Variants in SYT1 observed in about 807,000 individuals in gnomAD.
SYT1 encodes the protein synaptotagmin 1, also known as synaptotagmin-1.
A neutral mutation model predicts 44.8 loss-of-function variants in SYT1; 8 were observed. That is an observed-to-expected ratio of 0.18 (90% CI 0.10 to 0.32). SYT1 has a LOEUF of 0.32. Ranked by LOEUF, SYT1 falls within the 10% of genes least tolerant of loss-of-function variation. SYT1 has a pLI of 1.00. For synonymous variants in SYT1, 154 were observed against 188.8 expected (o/e 0.82, Z 1.51); for missense variants, 286 against 509.3 (o/e 0.56, Z 4.22).
chr12:79,316,689 T>C (rs925872593), intron 8 of SYT1, among the ~76,000 whole-genome samples: 10 of 152,208 alleles, frequency 6.6e-5, no homozygotes, highest in Non-Finnish European at 1.0e-4. Context: ...TTGTCTATCG[T>C]CCACCGTACA....
At chr12:78,904,875 G>A (rs564715340) in intron 1 of SYT1, among the ~76,000 whole-genome samples, 1 of 152,076 alleles carries the variant, frequency 6.6e-6, no homozygotes, top group African/African-American at 2.4e-5. Flanking sequence ...TATTTTTTTG[G>A]TAAAAGATTT....
intron 2 of SYT1, among the ~76,000 whole-genome samples, chr12:78,996,439 A>G (rs1268302991): frequency 2.0e-5 from 3 of 152,176 alleles, no homozygotes; most frequent in African/African-American, 7.2e-5. Flanking sequence ...GAAAAGAATG[A>G]GATGGGAACT....
chr12:79,205,285 C>T (rs1325520427), intron 3 of SYT1, among the ~76,000 whole-genome samples: 1 of 152,078 alleles, frequency 6.6e-6, no homozygotes, highest in Non-Finnish European at 1.5e-5. Flanking sequence ...TTTTTTAAAA[C>T]ACTGTAAAAT....
At chr12:78,996,391 C>G (rs928865908) in intron 2 of SYT1, among the ~76,000 whole-genome samples, 3 of 152,128 alleles carry the variant, frequency 2.0e-5, no homozygotes, top group Non-Finnish European at 4.4e-5. Context: ...TGCAAAGACA[C>G]TTTTGCCCAT....
At chr12:79,286,640 G>T (rs1371138300) in intron 5 of SYT1, among the ~76,000 whole-genome samples, 5 of 152,008 alleles carry the variant, frequency 3.3e-5, no homozygotes, top group African/African-American at 9.7e-5. Flanking sequence ...ATCTGGCTGG[G>T]TTATCTTTCC....
chr12:79,083,310 A>C (rs895182262), intron 3 of SYT1, among the ~76,000 whole-genome samples: 2 of 152,188 alleles, frequency 1.3e-5, no homozygotes, highest in Non-Finnish European at 2.9e-5. Context: ...AGTATAAATT[A>C]GTACCACTGC....
chr12:79,120,532 CTT>C (rs1477593979), intron 3 of SYT1, among the ~76,000 whole-genome samples: 2 of 152,164 alleles, frequency 1.3e-5, no homozygotes, highest in Admixed American at 6.5e-5. Context: ...GTTTCACACT[CTT>C]AGTATATAAG....
At chr12:79,291,765 G>A (rs891304947) in intron 5 of SYT1, 1 of 595,180 alleles carries the variant, frequency 1.7e-6, no homozygotes, top group African/African-American at 1.8e-5. Flanking sequence ...TTTTTTGCTT[G>A]CAATATTCTG....
At chr12:79,348,953 AAAAAG>A (rs1263527858) in intron 8 of SYT1, among the ~76,000 whole-genome samples, 1 of 146,940 alleles carries the variant, frequency 6.8e-6, no homozygotes. Flanking sequence ...AAAGAAAGAA[AAAAAG>A]AAAAGAAAGA....
chr12:79,091,323 T>C (rs1877760733), intron 3 of SYT1, among the ~76,000 whole-genome samples: 1 of 152,006 alleles, frequency 6.6e-6, no homozygotes, highest in South Asian at 2.1e-4. Context: ...GGAAGTGGTG[T>C]TGCAGGGTTC....
chr12:78,922,273 G>T (rs1043348720), intron 1 of SYT1, among the ~76,000 whole-genome samples: 1 of 151,746 alleles, frequency 6.6e-6, no homozygotes, highest in East Asian at 1.9e-4. Context: ...CATACTATGT[G>T]CTCAATAAAT....
intron 9 of SYT1, among the ~76,000 whole-genome samples, chr12:79,396,208 A>G (rs1369320312): frequency 6.6e-6 from 1 of 152,112 alleles, no homozygotes; most frequent in African/African-American, 2.4e-5. Context: ...ATGATGGCCA[A>G]TTTTCATCTG....
chr12:79,337,685 C>A (rs1882156656), intron 8 of SYT1, among the ~76,000 whole-genome samples: 1 of 152,162 alleles, frequency 6.6e-6, no homozygotes, highest in African/African-American at 2.4e-5. Context: ...ACAATGCCTT[C>A]CAAGGTTTAT....
chr12:78,906,885 A>C (rs1234629354), intron 1 of SYT1, among the ~76,000 whole-genome samples: 1 of 152,152 alleles, frequency 6.6e-6, no homozygotes, highest in Non-Finnish European at 1.5e-5. Context: ...ACGTTATGCT[A>C]TATCTTGTGC....
At chr12:79,204,559 A>G (rs1431009024) in intron 3 of SYT1, among the ~76,000 whole-genome samples, 1 of 152,206 alleles carries the variant, frequency 6.6e-6, no homozygotes, top group African/African-American at 2.4e-5. Flanking sequence ...CAACTAAGCT[A>G]TATCTCTTCA....
chr12:78,887,299 A>G (rs186229580), intron 1 of SYT1, among the ~76,000 whole-genome samples: 1 of 152,050 alleles, frequency 6.6e-6, no homozygotes, highest in East Asian at 1.9e-4. Flanking sequence ...CACACTGACT[A>G]TCGGTATTAC....
At chr12:79,356,106 C>T (rs371560398) in intron 9 of SYT1, among the ~76,000 whole-genome samples, 25 of 151,552 alleles carry the variant, frequency 1.6e-4, no homozygotes, top group African/African-American at 5.3e-4. Flanking sequence ...AATTGAGCCA[C>T]GGCGCGTCTG....
At chr12:78,924,105 T>G (rs1419994679) in intron 1 of SYT1, among the ~76,000 whole-genome samples, 1 of 151,946 alleles carries the variant, frequency 6.6e-6, no homozygotes, top group Non-Finnish European at 1.5e-5. Flanking sequence ...TTCCTCATGA[T>G]GAAATTTATT....
intron 3 of SYT1, among the ~76,000 whole-genome samples, chr12:79,110,670 C>T (rs751229277): frequency 2.6e-5 from 4 of 152,184 alleles, no homozygotes. Flanking sequence ...TGAACCAATA[C>T]ATTTTTTAAA....
Sources: gnomAD v4.1 joint callset for allele counts (sites outside exome capture counted in the v4.1 genomes callset) on GRCh38, gnomAD v4.1.1 for gene constraint, MANE v1.5 for transcripts, NCBI Gene and HGNC (gene_info 2026-07-23, HGNC 2026-07-21) for gene names.